The following TAF12 variants were observed in gnomAD, a reference collection of about 807,000 sequenced individuals.
TAF12 encodes the protein TATA-box binding protein associated factor 12.
A neutral mutation model predicts 20.8 loss-of-function variants in TAF12; 3 were observed. The observed-to-expected ratio is 0.14, with a 90% CI of 0.07 to 0.37. The LOEUF (loss-of-function observed/expected upper bound fraction) is 0.37, where lower values mean the gene tolerates loss of function less well. Among genes scored for constraint, TAF12 ranks in the 10% least tolerant of loss-of-function variants. The pLI is 1.00. For missense variants in TAF12, 131 were observed against 197.9 expected, an observed-to-expected ratio of 0.66 and a Z score of 2.03; for synonymous variants, 69 against 70.2, an observed-to-expected ratio of 0.98 and a Z score of 0.09.
intron 1 of TAF12, chr1:28,642,672 C>A: frequency 2.0e-6 from 2 of 985,598 alleles, no homozygotes; most frequent in Non-Finnish European, 2.4e-6. Context: ...GAGCCTGTGT[C>A]TTCACGCCCC....
At chr1:28,608,323 C>CGATA (rs1553127344) in intron 4 of TAF12, among the ~76,000 whole-genome samples, 1 of 150,180 alleles carries the variant, frequency 6.7e-6, no homozygotes, top group Admixed American at 6.7e-5. Flanking sequence ...CCAGCGTGGG[C>CGATA]GATAGAGCAA....
At chr1:28,612,009 C>G (rs958398731) in intron 4 of TAF12, among the ~76,000 whole-genome samples, 3 of 152,172 alleles carry the variant, frequency 2.0e-5, no homozygotes, top group Admixed American at 2.0e-4. Context: ...TAGATACCAG[C>G]AACATTACCT....
At chr1:28,647,849 G>C (rs1668237472), upstream of TAF12, among the ~76,000 whole-genome samples, 1 of 147,820 alleles carries the variant, frequency 6.8e-6, no homozygotes, top group East Asian at 2.0e-4. Context: ...ACTGCAGCCT[G>C]GGCGACAGAG....
At chr1:28,647,033 C>G (rs1340435962), upstream of TAF12, among the ~76,000 whole-genome samples, 1 of 151,986 alleles carries the variant, frequency 6.6e-6, no homozygotes, top group African/African-American at 2.4e-5. Context: ...AGGGTTTCAC[C>G]ATGTTGGCCA....
At chr1:28,623,737 C>G (rs1451487901) in intron 1 of TAF12, among the ~76,000 whole-genome samples, 1 of 152,156 alleles carries the variant, frequency 6.6e-6, no homozygotes, top group East Asian at 1.9e-4. Context: ...TAACTTTTAG[C>G]AGCTGTTAAA....
intron 1 of TAF12, among the ~76,000 whole-genome samples, chr1:28,627,391 GA>G (rs771889346): frequency 0.012 from 786 of 63,640 alleles, 2 homozygotes; most frequent in Admixed American, 0.044. Flanking sequence ...CCGTCTCAAA[GA>G]AAAAAAAAAA....
At chr1:28,612,507 AAAATTATATATAAATATATAT>A (rs551115414) in intron 4 of TAF12, among the ~76,000 whole-genome samples, 173 of 146,068 alleles carry the variant, frequency 1.2e-3, no homozygotes, top group African/African-American at 3.9e-3. Flanking sequence ...AATATATATA[AAAATTATATATAAATATATAT>A]AAATTATATA....
At chr1:28,628,687 AT>A (rs1445290914) in intron 1 of TAF12, among the ~76,000 whole-genome samples, 1 of 151,990 alleles carries the variant, frequency 6.6e-6, no homozygotes, top group African/African-American at 2.4e-5. Context: ...AAAAAAAAAA[AT>A]GAGGAGGCTC....
chr1:28,607,471 G>A (rs1666705591), intron 4 of TAF12, among the ~76,000 whole-genome samples: 1 of 152,136 alleles, frequency 6.6e-6, no homozygotes, highest in African/African-American at 2.4e-5. Flanking sequence ...AGGAGCTCAA[G>A]ACCAGTCTGG....
At chr1:28,637,987 T>C (rs1570340714) in intron 1 of TAF12, among the ~76,000 whole-genome samples, 2 of 151,874 alleles carry the variant, frequency 1.3e-5, no homozygotes, top group Admixed American at 1.3e-4. Flanking sequence ...CCCATTCCTA[T>C]TTTTTGTTTA....
chr1:28,620,153 A>G (rs1205685201), intron 2 of TAF12, among the ~76,000 whole-genome samples: 1 of 148,442 alleles, frequency 6.7e-6, no homozygotes, highest in Non-Finnish European at 1.5e-5. Context: ...TTTTTTTTTG[A>G]GACGGAATCT....
chr1:28,623,877 G>C, intron 1 of TAF12: 1 of 802,686 alleles, frequency 1.2e-6, no homozygotes, highest in South Asian at 5.7e-5. Context: ...GTGGACGTCA[G>C]CTTGGGTGTC....
chr1:28,624,956 C>A (rs1287748942), intron 1 of TAF12, among the ~76,000 whole-genome samples: 2 of 152,080 alleles, frequency 1.3e-5, no homozygotes, highest in Non-Finnish European at 2.9e-5. Flanking sequence ...TTCTCCCCTA[C>A]CCACAAACAT....
upstream of TAF12, among the ~76,000 whole-genome samples, chr1:28,647,141 A>T (rs1364640559): frequency 6.6e-6 from 1 of 152,018 alleles, no homozygotes; most frequent in Non-Finnish European, 1.5e-5. Context: ...GCCTGAAAAC[A>T]TTTATTTTTA....
intron 3 of TAF12, among the ~76,000 whole-genome samples, chr1:28,616,907 G>A (rs898081232): frequency 2.6e-5 from 4 of 151,800 alleles, no homozygotes; most frequent in African/African-American, 9.7e-5. Flanking sequence ...ATCACCTAAG[G>A]TCAGGAGTTT....
At chr1:28,632,440 C>T (rs4252979) in intron 1 of TAF12, among the ~76,000 whole-genome samples, 3,583 of 151,904 alleles carry the variant, frequency 0.024, 59 homozygotes, top group South Asian at 0.041. Context: ...TGCTTCAACC[C>T]GGGAGGCGGA....
chr1:28,630,999 C>T (rs1217193128), intron 1 of TAF12, among the ~76,000 whole-genome samples: 2 of 142,808 alleles, frequency 1.4e-5, no homozygotes, highest in Non-Finnish European at 3.0e-5. Flanking sequence ...GAGCTGAGAC[C>T]GTGCCACTGC....
At chr1:28,648,188 C>T in intron 1 of TAF12, 2 of 985,312 alleles carry the variant, frequency 2.0e-6, no homozygotes. Flanking sequence ...TCTTGTCTTC[C>T]CCAGTCAGAT....
intron 4 of TAF12, among the ~76,000 whole-genome samples, chr1:28,610,685 G>A (rs1325295322): frequency 2.0e-5 from 3 of 152,052 alleles, no homozygotes; most frequent in South Asian, 4.2e-4. Flanking sequence ...GAGTCAGCCG[G>A]GCATGGTGGC....
Sources: allele counts gnomAD v4.1 joint callset (sites outside exome capture counted in the v4.1 genomes callset), GRCh38; gene constraint gnomAD v4.1.1; transcripts MANE v1.5; gene names NCBI Gene and HGNC (gene_info 2026-07-23, HGNC 2026-07-21).